MEI4: variants seen among roughly 807,000 people sequenced by gnomAD.
MEI4 encodes the protein meiotic double-stranded break formation protein 4, also known as meiosis-specific protein MEI4.
MEI4 carries 27 observed loss-of-function variants against 31.4 expected under a neutral mutation model. The observed-to-expected ratio is 0.86, with a 90% CI of 0.63 to 1.19. MEI4 has a LOEUF of 1.19. Among genes scored for constraint, MEI4 ranks in the 50% most tolerant of loss-of-function variants. MEI4 has a pLI of 0.00. For synonymous variants in MEI4, 122 were observed against 145.4 expected (o/e 0.84, Z 1.16); for missense variants, 329 against 398.9 (o/e 0.82, Z 1.49).
intron 4 of MEI4, among the ~76,000 whole-genome samples, chr6:77,861,444 C>G (rs531173981): frequency 6.6e-6 from 1 of 152,242 alleles, no homozygotes; most frequent in South Asian, 2.1e-4. Flanking sequence ...GATTCTTAAA[C>G]TATTTTTGTC....
chr6:77,663,977 C>T (rs1351625083), intron 1 of MEI4, among the ~76,000 whole-genome samples: 5 of 152,302 alleles, frequency 3.3e-5, no homozygotes, highest in Non-Finnish European at 5.9e-5. Context: ...TCCCGGGCTG[C>T]GGGCATTCCT....
At chr6:77,811,773 CA>C (rs67267765) in intron 3 of MEI4, among the ~76,000 whole-genome samples, 43,222 of 126,646 alleles carry the variant, frequency 0.34, 6,330 homozygotes, top group South Asian at 0.41. Flanking sequence ...AACTCCGTCT[CA>C]AAAAAAAAAA....
intron 3 of MEI4, among the ~76,000 whole-genome samples, chr6:77,803,971 C>G (rs539938519): frequency 1.3e-5 from 2 of 152,152 alleles, no homozygotes; most frequent in Non-Finnish European, 2.9e-5. Context: ...CAGTTGCGTG[C>G]TGGGAGAACC....
chr6:77,803,701 T>C (rs1769342390), intron 3 of MEI4, among the ~76,000 whole-genome samples: 1 of 152,240 alleles, frequency 6.6e-6, no homozygotes, highest in African/African-American at 2.4e-5. Flanking sequence ...TTCAGGACCC[T>C]CAGCTGCAGG....
At chr6:77,822,247 C>T (rs2127708953) in intron 3 of MEI4, among the ~76,000 whole-genome samples, 1 of 152,216 alleles carries the variant, frequency 6.6e-6, no homozygotes, top group African/African-American at 2.4e-5. Context: ...TCTAACAGGA[C>T]AACCTAATTA....
intron 4 of MEI4, among the ~76,000 whole-genome samples, chr6:77,870,069 G>A (rs1434433407): frequency 3.3e-5 from 5 of 151,974 alleles, no homozygotes; most frequent in Admixed American, 3.3e-4. Context: ...AGAGGAAAGG[G>A]GGCAAGTACT....
At chr6:77,899,943 CA>C (rs1409505811) in intron 4 of MEI4, among the ~76,000 whole-genome samples, 8 of 147,552 alleles carry the variant, frequency 5.4e-5, no homozygotes, top group Admixed American at 2.0e-4. Flanking sequence ...AAAAAAAAAA[CA>C]GGAAATCCTT....
At chr6:77,807,962 G>C (rs1769481374) in intron 3 of MEI4, among the ~76,000 whole-genome samples, 1 of 152,122 alleles carries the variant, frequency 6.6e-6, no homozygotes, top group African/African-American at 2.4e-5. Context: ...TCAATACCAA[G>C]GCTGTGAATA....
chr6:77,704,104 C>CCAA (rs1766281955), intron 2 of MEI4, among the ~76,000 whole-genome samples: 1 of 152,132 alleles, frequency 6.6e-6, no homozygotes, highest in African/African-American at 2.4e-5. Flanking sequence ...AAAGACTTGT[C>CCAA]CTAGATCTCA....
Position 77,697,914 on chromosome 6 carries a change from G to T in MEI4, c.232+7011G>T, listed in dbSNP as rs187632760. On this transcript the variant is annotated intron_variant, in intron 2 of 4. Transcript: ENST00000684080. ...GTGTGGGAGACTAAGTCTCTTTGTA[G>T]GTCACTCAGGACTTGCTTTATGAAT... 6.5e-4 allele frequency among the ~76,000 whole-genome samples: 99 copies of T among 152,226 alleles called. 1 individual carries two copies. Among genetic ancestry groups the T allele is most frequent in the African/African-American group, 2.3e-3 (95 of 41,518 alleles).
Position 77,761,432 on chromosome 6 carries a change from G to C in MEI4, c.535G>C (p.Asp179His), listed in dbSNP as rs1028007402. The C allele has an allele frequency of 2.4e-6, 3 of 1,232,066 alleles. No homozygotes were observed. Among genetic ancestry groups the C allele is most frequent in the African/African-American group, 1.5e-5 (1 of 64,522 alleles). 76.3% of individuals were successfully genotyped at this position (1,232,066 alleles called of 1,614,324 possible). ...LKRDLTHFEK[D>H]SSTVSDSVFQ... ...AAGAGACTTAACCCACTTTGAAAAAGACTCTTCCACAGTCTCTGATTCTGT... is the reference window on the plus strand; with the variant it reads ...AAGAGACTTAACCCACTTTGAAAAACACTCTTCCACAGTCTCTGATTCTGT... Residue 179 changes from aspartate (D) to histidine (H), a missense_variant, in exon 3 of 5, where the codon GAC becomes CAC. Asp to His is a moderately conservative substitution (Grantham distance 81). Transcript: ENST00000684080.
At chr6:77,772,188 G>T (rs952157765) in intron 3 of MEI4, among the ~76,000 whole-genome samples, 2 of 149,684 alleles carry the variant, frequency 1.3e-5, no homozygotes, top group African/African-American at 2.5e-5. Flanking sequence ...AAATAGAGAA[G>T]AAGATACTTC....
chr6:77,743,529 G>A (rs1767481016), intron 2 of MEI4, among the ~76,000 whole-genome samples: 1 of 152,144 alleles, frequency 6.6e-6, no homozygotes, highest in African/African-American at 2.4e-5. Context: ...GGGCTGAGAT[G>A]ACGGGGTTTT....
At chr6:77,861,854 ATTG>A (rs1275702303) in intron 4 of MEI4, among the ~76,000 whole-genome samples, 1 of 152,118 alleles carries the variant, frequency 6.6e-6, no homozygotes, top group African/African-American at 2.4e-5. Flanking sequence ...TAGTTCTTGT[ATTG>A]TTGTTATTCT....
At chr6:77,918,123 C>G (rs1260047102) in intron 4 of MEI4, among the ~76,000 whole-genome samples, 1 of 149,750 alleles carries the variant, frequency 6.7e-6, no homozygotes, top group African/African-American at 2.4e-5. Flanking sequence ...TTCCATTGAT[C>G]TATATCTCTG....
chr6:77,791,440 C>G lies in MEI4; in HGVS notation c.768+29775C>G, dbSNP rs549351013. Among the ~76,000 whole-genome samples the G allele has an allele frequency of 3.3e-3, 483 of 147,224 alleles. 1 individual carries two copies. Among genetic ancestry groups the G allele is most frequent in the African/African-American group, 0.012 (470 of 39,712 alleles). Reference sequence around the variant, plus strand: ...GTAAACTATCGCAAGAACAAAAAACCAAACACTGCATATTCTCACTCATAG... The same window carrying G: ...GTAAACTATCGCAAGAACAAAAAACGAAACACTGCATATTCTCACTCATAG... On this transcript the variant is annotated intron_variant, in intron 3 of 4. Coordinates refer to ENST00000684080, the MANE Select transcript of MEI4 (RefSeq NM_001322247.2).
intron 4 of MEI4, among the ~76,000 whole-genome samples, chr6:77,896,547 C>A (rs990147636): frequency 6.6e-6 from 1 of 151,962 alleles, no homozygotes; most frequent in African/African-American, 2.4e-5. Context: ...TACTGTGTTA[C>A]ATTAGGGTGT....
At chr6:77,835,799 T>G (rs1045925075) in intron 4 of MEI4, among the ~76,000 whole-genome samples, 21 of 152,104 alleles carry the variant, frequency 1.4e-4, no homozygotes, top group Admixed American at 2.0e-4. Flanking sequence ...TGATGTGGTG[T>G]ATCTAAAATG....
chr6:77,787,932 G>A (rs543101017), intron 3 of MEI4, among the ~76,000 whole-genome samples: 2 of 152,166 alleles, frequency 1.3e-5, no homozygotes, highest in South Asian at 2.1e-4. Flanking sequence ...TTTTTGCATC[G>A]ATGTTCATCA....
Sources: gnomAD v4.1 joint callset for allele counts (sites outside exome capture counted in the v4.1 genomes callset) on GRCh38, gnomAD v4.1.1 for gene constraint, MANE v1.5 for transcripts, NCBI Gene and HGNC (gene_info 2026-07-23, HGNC 2026-07-21) for gene names.